Variants in TRPS1 observed in about 807,000 individuals in gnomAD.
The protein encoded by TRPS1 is zinc finger transcription factor Trps1.
TRPS1 carries 6 observed loss-of-function variants against 101.2 expected under a neutral mutation model. That is an observed-to-expected ratio of 0.06 (90% CI 0.03 to 0.12). TRPS1 has a LOEUF of 0.12. TRPS1 is among the 10% of genes least tolerant of loss of function. The pLI, the probability that TRPS1 is intolerant of heterozygous loss-of-function variation, is 1.00. For missense variants in TRPS1, 1,363 were observed against 1,567.0 expected (o/e 0.87, Z 2.20); for synonymous variants, 578 against 589.8 (o/e 0.98, Z 0.29).
intron 1 of TRPS1, among the ~76,000 whole-genome samples, chr8:115,662,648 CT>C (rs1232172482): frequency 8.9e-5 from 13 of 145,490 alleles, no homozygotes; most frequent in Non-Finnish European, 1.8e-4. Context: ...GGAGAAAGTT[CT>C]GTTTGCCTGT....
chr8:115,485,839 T>G (rs1211359430), intron 5 of TRPS1, among the ~76,000 whole-genome samples: 1 of 152,134 alleles, frequency 6.6e-6, no homozygotes, highest in Non-Finnish European at 1.5e-5. Context: ...GAGAGGAAAT[T>G]CAGAGAACAG....
At chr8:115,490,569 C>A (rs542087334) in intron 5 of TRPS1, among the ~76,000 whole-genome samples, 1 of 152,128 alleles carries the variant, frequency 6.6e-6, no homozygotes, top group African/African-American at 2.4e-5. Context: ...AAACTTAGTA[C>A]AATAACCAAT....
chr8:115,467,781 C>T (rs1010562076), intron 5 of TRPS1, among the ~76,000 whole-genome samples: 2 of 152,086 alleles, frequency 1.3e-5, no homozygotes, highest in African/African-American at 4.8e-5. Context: ...GTAAATAACC[C>T]CACACTTCTA....
At chr8:115,478,555 G>A (rs1814662958) in intron 5 of TRPS1, among the ~76,000 whole-genome samples, 1 of 152,090 alleles carries the variant, frequency 6.6e-6, no homozygotes, top group Non-Finnish European at 1.5e-5. Flanking sequence ...TGTAATCCCA[G>A]CACTTTGGGA....
intron 1 of TRPS1, among the ~76,000 whole-genome samples, chr8:115,645,094 T>C (rs1240085335): frequency 6.6e-6 from 1 of 152,120 alleles, no homozygotes; most frequent in East Asian, 1.9e-4. Context: ...AACACATATT[T>C]TTGAAAAAAA....
chr8:115,533,456 T>TTTTTTTTTTTTTTTTTTTTTTTA (rs1563580878), intron 5 of TRPS1, among the ~76,000 whole-genome samples: 1 of 134,672 alleles, frequency 7.4e-6, no homozygotes. Flanking sequence ...TTTTTTTTTT[T>TTTTTTTTTTTTTTTTTTTTTTTA]TTTCCTGAAA....
chr8:115,618,998 T>TGTGTC, intron 3 of TRPS1, 134 bp downstream of exon 3: 1 of 857,770 alleles, frequency 1.2e-6, no homozygotes, highest in Non-Finnish European at 1.9e-6. Flanking sequence ...AGCTATGGAG[T>TGTGTC]GTGTCCATCT....
intron 5 of TRPS1, among the ~76,000 whole-genome samples, chr8:115,441,898 A>AGAGAGAGTGTGT (rs1554620719): frequency 8.6e-6 from 1 of 116,150 alleles, no homozygotes; most frequent in African/African-American, 3.4e-5. Flanking sequence ...AGAGAGAGAG[A>AGAGAGAGTGTGT]GTGTGTGTGT....
chr8:115,428,435 T>C (rs951320930), intron 5 of TRPS1, among the ~76,000 whole-genome samples: 1 of 152,194 alleles, frequency 6.6e-6, no homozygotes, highest in South Asian at 2.1e-4. Flanking sequence ...TTATAGGCTA[T>C]CCAATTGAGA....
intron 5 of TRPS1, among the ~76,000 whole-genome samples, chr8:115,543,554 C>A (rs977635729): frequency 6.6e-6 from 1 of 151,532 alleles, no homozygotes; most frequent in African/African-American, 2.4e-5. Flanking sequence ...ATCTATATAC[C>A]AAGATAAAAA....
intron 3 of TRPS1, 136 bp downstream of exon 3, chr8:115,618,996 A>T: frequency 2.4e-6 from 2 of 843,108 alleles, no homozygotes; most frequent in Admixed American, 4.3e-5. Context: ...GTAGCTATGG[A>T]GTGTGTCCAT....
chr8:115,498,435 A>G (rs1403628390), intron 5 of TRPS1, among the ~76,000 whole-genome samples: 2 of 135,408 alleles, frequency 1.5e-5, no homozygotes, highest in Non-Finnish European at 3.1e-5. Flanking sequence ...ATATATATAT[A>G]TATATATATA....
chr8:115,662,907 T>C (rs1811838746), intron 1 of TRPS1, among the ~76,000 whole-genome samples: 1 of 152,110 alleles, frequency 6.6e-6, no homozygotes, highest in Non-Finnish European at 1.5e-5. Flanking sequence ...TTCCACATTT[T>C]AGGCTCTTGC....
intron 1 of TRPS1, among the ~76,000 whole-genome samples, chr8:115,642,658 A>G (rs1039221655): frequency 1.3e-5 from 2 of 151,960 alleles, no homozygotes; most frequent in African/African-American, 4.8e-5. Flanking sequence ...CTATCAAAAA[A>G]TGACTCCAAA....
At chr8:115,474,692 A>G (rs1410242990) in intron 5 of TRPS1, among the ~76,000 whole-genome samples, 3 of 127,662 alleles carry the variant, frequency 2.3e-5, no homozygotes, top group Admixed American at 7.1e-5. Context: ...AATATTCAGA[A>G]AAAAATTATT....
intron 5 of TRPS1, among the ~76,000 whole-genome samples, chr8:115,571,407 T>C (rs1563612333): frequency 6.6e-6 from 1 of 152,154 alleles, no homozygotes; most frequent in Non-Finnish European, 1.5e-5. Context: ...GTAAATAGGC[T>C]AGTAAAAAGT....
At chr8:115,666,464 T>A (rs535261607) in intron 1 of TRPS1, among the ~76,000 whole-genome samples, 1 of 151,636 alleles carries the variant, frequency 6.6e-6, no homozygotes, top group African/African-American at 2.4e-5. Context: ...TTTTATACGT[T>A]AACTGGTGGA....
chr8:115,617,837 T>C (rs1818306252), intron 3 of TRPS1, among the ~76,000 whole-genome samples: 1 of 152,156 alleles, frequency 6.6e-6, no homozygotes, highest in African/African-American at 2.4e-5. Flanking sequence ...ACAGAAATAA[T>C]TCTATCTGTG....
At chr8:115,471,313 T>A (rs953443020) in intron 5 of TRPS1, among the ~76,000 whole-genome samples, 3 of 152,098 alleles carry the variant, frequency 2.0e-5, no homozygotes, top group Admixed American at 2.0e-4. Context: ...CTTCTTCACA[T>A]GATGCCAGGA....
Sources: gnomAD v4.1 joint callset for allele counts (sites outside exome capture counted in the v4.1 genomes callset) on GRCh38, gnomAD v4.1.1 for gene constraint, MANE v1.5 for transcripts, NCBI Gene and HGNC (gene_info 2026-07-23, HGNC 2026-07-21) for gene names.